Variants in NINJ2 observed in about 807,000 individuals in gnomAD.
The protein encoded by NINJ2 is ninjurin 2.
NINJ2 carries 12 observed loss-of-function variants against 11.7 expected under a neutral mutation model. The observed-to-expected ratio is 1.02, with a 90% CI of 0.66 to 1.66. The LOEUF is 1.66. NINJ2 is among the 40% of genes most tolerant of loss of function. The probability of loss-of-function intolerance (pLI) is 0.00; values close to 1 mark genes in which losing one functional copy is unlikely to be tolerated. For synonymous variants in NINJ2, 93 were observed against 76.8 expected, an observed-to-expected ratio of 1.21 and a Z score of -1.10; for missense variants, 187 against 181.8, an observed-to-expected ratio of 1.03 and a Z score of -0.16.
At chr12:593,718 A>G (rs1311607330) in intron 1 of NINJ2, among the ~76,000 whole-genome samples, 1 of 151,972 alleles carries the variant, frequency 6.6e-6, no homozygotes, top group Non-Finnish European at 1.5e-5. Context: ...TGTCTCAAAA[A>G]GGAGGAGGAG....
chr12:608,058 G>C (rs1947963201), intron 1 of NINJ2, among the ~76,000 whole-genome samples: 1 of 152,202 alleles, frequency 6.6e-6, no homozygotes, highest in African/African-American at 2.4e-5. Context: ...TCGGTGTGCT[G>C]TGGATGGATG....
intron 1 of NINJ2, among the ~76,000 whole-genome samples, chr12:606,039 T>C (rs1947938016): frequency 6.6e-6 from 1 of 152,160 alleles, no homozygotes; most frequent in South Asian, 2.1e-4. Flanking sequence ...CTTATTTTAG[T>C]TTATTTATTA....
chr12:566,981 C>T (rs1356500090), intron 1 of NINJ2, among the ~76,000 whole-genome samples: 3 of 152,246 alleles, frequency 2.0e-5, no homozygotes, highest in African/African-American at 7.2e-5. Flanking sequence ...CAAGGGCAAT[C>T]TGCAGTCACT....
intron 1 of NINJ2, among the ~76,000 whole-genome samples, chr12:624,771 T>C (rs1404322540): frequency 1.4e-5 from 2 of 143,786 alleles, no homozygotes; most frequent in African/African-American, 5.2e-5. Flanking sequence ...ATTGCGCCAC[T>C]GCACTCCAAC....
At chr12:611,263 T>TTCTCTCTC (rs138571960) in intron 1 of NINJ2, among the ~76,000 whole-genome samples, 70,691 of 126,194 alleles carry the variant, frequency 0.56, 17,473 homozygotes, top group African/African-American at 0.61. Context: ...CTCTCTTTCT[T>TTCTCTCTC]TCTTTCTTTC....
At position 628,028 on chromosome 12, in the gene NINJ2, C is replaced by T. The variant is rs1948229731; in HGVS notation, c.33+35300G>A. Among the ~76,000 whole-genome samples, 2 of 152,242 alleles carry T rather than the reference C, an allele frequency of 1.3e-5. No individual in the cohort carries two copies. Among genetic ancestry groups the T allele is most frequent in the Non-Finnish European group, 2.9e-5 (2 of 68,038 alleles). On this transcript the variant is annotated intron_variant, in intron 1 of 3. Coordinates refer to ENST00000305108, the MANE Select transcript of NINJ2 (RefSeq NM_016533.6). The surrounding 1 kb of genome is among the most constrained non-coding windows in gnomAD (Gnocchi z 4.4). Reference sequence around the variant, plus strand: ...CCTCCCCGCCCTGCCCCCGGCTCCTCTTTCACACCCTGTGCCAGACAGAAG... The same window carrying T: ...CCTCCCCGCCCTGCCCCCGGCTCCTTTTTCACACCCTGTGCCAGACAGAAG...
intron 1 of NINJ2, among the ~76,000 whole-genome samples, chr12:662,465 C>T (rs550269439): frequency 6.6e-6 from 1 of 151,878 alleles, no homozygotes; most frequent in African/African-American, 2.4e-5. Flanking sequence ...AACAAAACAG[C>T]TCTTCTTTAA....
intron 1 of NINJ2, among the ~76,000 whole-genome samples, chr12:654,208 A>G (rs1324409339): frequency 6.6e-6 from 1 of 152,124 alleles, no homozygotes; most frequent in Non-Finnish European, 1.5e-5. Flanking sequence ...TATCAAACAA[A>G]AAAAGACACA....
Position 663,208 on chromosome 12 carries a change from G to A in NINJ2, c.33+120C>T, listed in dbSNP as rs543823501. 6 of 846,364 alleles carry A rather than the reference G, an allele frequency of 7.1e-6. No individual in the cohort carries two copies. In the African/African-American group the frequency reaches 1.0e-4, roughly 14 times the overall value. The allele number at this position is 846,364 out of a possible 1,614,324, so 52.4% of individuals were successfully genotyped here. On this transcript the variant is annotated intron_variant, in intron 1 of 3. Transcript: ENST00000305108. ...AAGCCTAGGGAGCATTTGGAGAAGG[G>A]AGTGAGTAAGAAGAGAACGGGGAGG...
At chr12:615,100 T>C (rs755893632) in intron 1 of NINJ2, among the ~76,000 whole-genome samples, 7 of 152,138 alleles carry the variant, frequency 4.6e-5, no homozygotes, top group Non-Finnish European at 7.3e-5. Context: ...TTATGGATTA[T>C]AGAAATAATA....
At chr12:653,342 T>C (rs973282502) in intron 1 of NINJ2, among the ~76,000 whole-genome samples, 18 of 152,188 alleles carry the variant, frequency 1.2e-4, no homozygotes, top group African/African-American at 4.1e-4. Context: ...TCTAACAGTT[T>C]GTTCAAAATG....
chr12:629,534 G>A (rs868366089), intron 1 of NINJ2, among the ~76,000 whole-genome samples: 1 of 152,112 alleles, frequency 6.6e-6, no homozygotes, highest in East Asian at 1.9e-4. Flanking sequence ...TGTGGGCCCC[G>A]TGCAGCCCAG....
chr12:566,595 G>C (rs1021168928), intron 1 of NINJ2, among the ~76,000 whole-genome samples: 2 of 152,180 alleles, frequency 1.3e-5, no homozygotes, highest in African/African-American at 4.8e-5. Flanking sequence ...TTGGAGGCTT[G>C]GGTGAAATAG....
At chr12:578,935 A>C (rs1947508740) in intron 1 of NINJ2, among the ~76,000 whole-genome samples, 1 of 152,212 alleles carries the variant, frequency 6.6e-6, no homozygotes, top group Non-Finnish European at 1.5e-5. Context: ...GTCCTCACTC[A>C]GAAGCACTGA....
intron 1 of NINJ2, among the ~76,000 whole-genome samples, chr12:567,053 T>C (rs949910905): frequency 5.9e-5 from 9 of 152,224 alleles, no homozygotes; most frequent in Non-Finnish European, 1.3e-4. Context: ...CAGGAAGGGC[T>C]AGAAGCAGGG....
At chr12:639,511 G>A (rs1172612072) in intron 1 of NINJ2, among the ~76,000 whole-genome samples, 2 of 151,976 alleles carry the variant, frequency 1.3e-5, no homozygotes, top group Admixed American at 6.6e-5. Context: ...GTATGCCTCA[G>A]TGATGGATGG....
chr12:632,253 T>C (rs1399038547), intron 1 of NINJ2: 2 of 152,230 alleles, frequency 1.3e-5, no homozygotes, highest in Admixed American at 6.5e-5. Context: ...CGCTGGTAAG[T>C]AGAATCAGAG....
chr12:607,216 G>A (rs906593742), intron 1 of NINJ2, among the ~76,000 whole-genome samples: 4 of 152,100 alleles, frequency 2.6e-5, no homozygotes, highest in Non-Finnish European at 4.4e-5. Flanking sequence ...CATTTTAGCA[G>A]GATTCCCAGG....
At chr12:613,121 C>A (rs1948053965) in intron 1 of NINJ2, among the ~76,000 whole-genome samples, 1 of 152,212 alleles carries the variant, frequency 6.6e-6, no homozygotes, top group Non-Finnish European at 1.5e-5. Context: ...TCCTCCTCCC[C>A]TGCCATCCCT....
Sources: allele counts gnomAD v4.1 joint callset (sites outside exome capture counted in the v4.1 genomes callset), GRCh38; gene constraint gnomAD v4.1.1; non-coding constraint Gnocchi (gnomAD v3.1); transcripts MANE v1.5; gene names NCBI Gene and HGNC (gene_info 2026-07-23, HGNC 2026-07-21).